The following KCNIP4 variants were observed in gnomAD, a reference collection of about 807,000 sequenced individuals.
KCNIP4 encodes potassium voltage-gated channel interacting protein 4.
A neutral mutation model predicts 34.0 loss-of-function variants in KCNIP4; 12 were observed. The observed-to-expected ratio is 0.35, with a 90% CI of 0.23 to 0.57. The LOEUF (loss-of-function observed/expected upper bound fraction) is 0.57. Ranked by LOEUF, KCNIP4 falls within the 20% of genes least tolerant of loss-of-function variation. The pLI is 0.83. For synonymous variants in KCNIP4, 124 were observed against 102.2 expected (o/e 1.21, Z -1.29); for missense variants, 238 against 311.7 (o/e 0.76, Z 1.78).
chr4:20,750,133 A>T (rs1578517329), intron 4 of KCNIP4, among the ~76,000 whole-genome samples: 1 of 152,200 alleles, frequency 6.6e-6, no homozygotes, highest in Admixed American at 6.6e-5. Context: ...ATGAGTTGCT[A>T]TTATTAGTGT....
intron 1 of KCNIP4, among the ~76,000 whole-genome samples, chr4:20,986,068 A>C (rs1478709699): frequency 6.6e-6 from 1 of 152,144 alleles, no homozygotes; most frequent in Non-Finnish European, 1.5e-5. Context: ...TCCCCTGCTC[A>C]CATATGGTAG....
intron 1 of KCNIP4, among the ~76,000 whole-genome samples, chr4:21,361,210 C>T (rs968875304): frequency 5.9e-5 from 9 of 151,992 alleles, no homozygotes; most frequent in African/African-American, 2.2e-4. Flanking sequence ...GGTTGGTGAC[C>T]TTACCTTATA....
At chr4:20,830,793 T>G (rs181908629) in intron 3 of KCNIP4, among the ~76,000 whole-genome samples, 2 of 152,326 alleles carry the variant, frequency 1.3e-5, no homozygotes, top group Admixed American at 6.5e-5. Context: ...AGTTACATCT[T>G]CGGCAGAAAC....
At chr4:21,641,868 A>G (rs1437554536) in intron 1 of KCNIP4, among the ~76,000 whole-genome samples, 1 of 152,152 alleles carries the variant, frequency 6.6e-6, no homozygotes, top group Non-Finnish European at 1.5e-5. Flanking sequence ...TGAGTGCCCA[A>G]TGTGCCAGCA....
At chr4:21,597,460 A>C (rs929882102) in intron 1 of KCNIP4, among the ~76,000 whole-genome samples, 2 of 152,086 alleles carry the variant, frequency 1.3e-5, no homozygotes, top group African/African-American at 4.8e-5. Flanking sequence ...GAATATCTTC[A>C]CACAATGTTC....
chr4:20,949,226 C>T (rs945880282), intron 1 of KCNIP4, among the ~76,000 whole-genome samples: 2 of 152,194 alleles, frequency 1.3e-5, no homozygotes, highest in African/African-American at 4.8e-5. Context: ...GACGCATAGT[C>T]ACAATGTTTT....
intron 1 of KCNIP4, among the ~76,000 whole-genome samples, chr4:21,268,916 C>G (rs1761976039): frequency 6.6e-6 from 1 of 152,184 alleles, no homozygotes; most frequent in African/African-American, 2.4e-5. Flanking sequence ...GTGTGTCTAT[C>G]AGGCAGGAGG....
At chr4:21,539,657 G>A (rs186011542) in intron 1 of KCNIP4, among the ~76,000 whole-genome samples, 29 of 152,204 alleles carry the variant, frequency 1.9e-4, no homozygotes, top group Non-Finnish European at 3.4e-4. Flanking sequence ...CAAACTCAGT[G>A]TCAGATACCA....
intron 1 of KCNIP4, among the ~76,000 whole-genome samples, chr4:21,077,140 ATAAAT>A (rs1745561089): frequency 6.6e-6 from 1 of 151,950 alleles, no homozygotes; most frequent in Admixed American, 6.6e-5. Flanking sequence ...ATAAAATAAA[ATAAAT>A]TAAATAAATA....
chr4:20,771,197 A>G (rs947284705), intron 3 of KCNIP4, among the ~76,000 whole-genome samples: 26 of 152,106 alleles, frequency 1.7e-4, no homozygotes, highest in African/African-American at 5.3e-4. Flanking sequence ...TGGTATACAC[A>G]TATGTTCATA....
chr4:21,485,147 C>G (rs971647264), intron 1 of KCNIP4, among the ~76,000 whole-genome samples: 1 of 152,140 alleles, frequency 6.6e-6, no homozygotes, highest in African/African-American at 2.4e-5. Flanking sequence ...TCCTAACACC[C>G]CCATCAGCTC....
At chr4:21,941,307 A>G (rs1730192876) in intron 1 of KCNIP4, among the ~76,000 whole-genome samples, 1 of 152,152 alleles carries the variant, frequency 6.6e-6, no homozygotes, top group Non-Finnish European at 1.5e-5. Context: ...ATTGTGGGGG[A>G]ATCGTCATTA....
intron 1 of KCNIP4, among the ~76,000 whole-genome samples, chr4:21,808,057 A>C (rs116777841): frequency 6.6e-6 from 1 of 152,218 alleles, no homozygotes; most frequent in Non-Finnish European, 1.5e-5. Context: ...AATTACAAAG[A>C]AAATTATTTC....
chr4:21,823,007 C>T (rs1295204005), intron 1 of KCNIP4, among the ~76,000 whole-genome samples: 1 of 151,686 alleles, frequency 6.6e-6, no homozygotes, highest in Admixed American at 6.6e-5. Flanking sequence ...GTGAGCTGAC[C>T]AAATAATTTT....
intron 1 of KCNIP4, among the ~76,000 whole-genome samples, chr4:21,448,453 T>G (rs182061821): frequency 1.1e-4 from 17 of 152,254 alleles, no homozygotes; most frequent in Admixed American, 1.0e-3. Context: ...AAAGCGGAAC[T>G]TATAAACTAT....
intron 1 of KCNIP4, among the ~76,000 whole-genome samples, chr4:21,927,288 G>T (rs1445070335): frequency 1.3e-5 from 2 of 152,058 alleles, no homozygotes; most frequent in African/African-American, 4.8e-5. Context: ...TATCTGCAGG[G>T]TCCCTTTAGC....
intron 1 of KCNIP4, among the ~76,000 whole-genome samples, chr4:21,937,082 A>G (rs1254646852): frequency 1.3e-5 from 2 of 152,016 alleles, no homozygotes; most frequent in African/African-American, 2.4e-5. Context: ...ACTGTGCCTC[A>G]TTCATCTCTC....
intron 1 of KCNIP4, among the ~76,000 whole-genome samples, chr4:21,673,864 TGTA>T (rs1305420486): frequency 6.6e-6 from 1 of 152,176 alleles, no homozygotes; most frequent in Non-Finnish European, 1.5e-5. Context: ...ATGACTGACT[TGTA>T]GTCAGCGTTA....
At chr4:21,081,347 A>T (rs1190497201) in intron 1 of KCNIP4, among the ~76,000 whole-genome samples, 1 of 151,810 alleles carries the variant, frequency 6.6e-6, no homozygotes, top group Admixed American at 6.6e-5. Context: ...TAACATTCTT[A>T]TTAGTGATTA....
Sources: allele counts gnomAD v4.1 joint callset (sites outside exome capture counted in the v4.1 genomes callset), GRCh38; gene constraint gnomAD v4.1.1; transcripts MANE v1.5; gene names NCBI Gene and HGNC (gene_info 2026-07-23, HGNC 2026-07-21).